Variants in FBXL2 observed in about 807,000 individuals in gnomAD.
The protein encoded by FBXL2 is F-box/LRR-repeat protein 2.
FBXL2 carries 38 observed loss-of-function variants against 69.2 expected under a neutral mutation model. That is an observed-to-expected ratio of 0.55 (90% confidence interval 0.42 to 0.72). The LOEUF is 0.72. FBXL2 is among the 30% of genes least tolerant of loss of function. FBXL2 has a pLI of 0.00. For synonymous variants in FBXL2, 192 were observed against 201.3 expected (o/e 0.95, Z 0.39); for missense variants, 354 against 520.3 (o/e 0.68, Z 3.11).
chr3:33,359,002 G>A lies in FBXL2; in HGVS notation c.101G>A (p.Arg34Gln), dbSNP rs1022223193. The A allele has an allele frequency of 3.2e-6, 5 of 1,550,552 alleles. No individual in the cohort carries two copies. Among genetic ancestry groups the A allele is most frequent in the East Asian group, 2.3e-5 (1 of 43,500 alleles). Residue 34 changes from arginine (R) to glutamine (Q), a missense_variant, in exon 3 of 15, where the codon CGA becomes CAA. By Grantham distance (43) the Arg-to-Gln change is conservative (BLOSUM62 1). Transcript: ENST00000484457. The stretch of plus-strand genomic sequence containing the variant: ...TTCTTGGATATAGTAACTTTGTGCC[G>A]ATGTGCACAGATTTCCAAGGTAGAG... ...FSFLDIVTLC[R>Q]CAQISKAWNI...
In FBXL2 at chr3:33,384,200, G is replaced by A. The variant is rs765799989; in HGVS notation, c.1163G>A (p.Arg388Gln). Residue 388 changes from arginine (R) to glutamine (Q), a missense_variant and splice_region_variant, in exon 14 of 15, where the codon CGG becomes CAG. Physicochemically the swap from Arg to Gln is conservative, Grantham distance 43 (BLOSUM62 1). Coordinates refer to ENST00000484457, the MANE Select transcript of FBXL2 (RefSeq NM_012157.5). ...QVTRAGIKRMRAQLPHVKVHA... is the reference protein window; with the variant it reads ...QVTRAGIKRMQAQLPHVKVHA... ...ACCCGTGCAGGCATCAAGCGGATGCGGGTAGGTATGGGGCAGGGGAGTCAG... is the reference window on the plus strand; with the variant it reads ...ACCCGTGCAGGCATCAAGCGGATGCAGGTAGGTATGGGGCAGGGGAGTCAG... The A allele has an allele frequency of 3.1e-6, 5 of 1,613,574 alleles. No homozygotes were observed. The highest frequency in any genetic ancestry group is 2.2e-5 in the South Asian group (2 of 91,044).
chr3:33,362,269 G>C (rs1455910878), intron 4 of FBXL2, among the ~76,000 whole-genome samples: 1 of 152,324 alleles, frequency 6.6e-6, no homozygotes, highest in East Asian at 1.9e-4. Context: ...TTTGTTGTCA[G>C]TGTCTTCATG....
At chr3:33,372,849 T>G in intron 5 of FBXL2, 1 of 589,136 alleles carries the variant, frequency 1.7e-6, no homozygotes, top group Non-Finnish European at 3.0e-6. Flanking sequence ...GGACTCTGCT[T>G]CTCAAAACGT....
intron 4 of FBXL2, among the ~76,000 whole-genome samples, chr3:33,361,371 C>G (rs2041616868): frequency 6.6e-6 from 1 of 152,022 alleles, no homozygotes; most frequent in Non-Finnish European, 1.5e-5. Context: ...GTTAGCCAGG[C>G]ACAATGGCAC....
intron 5 of FBXL2, among the ~76,000 whole-genome samples, chr3:33,368,634 G>A (rs1416673129): frequency 4.6e-5 from 7 of 151,710 alleles, no homozygotes; most frequent in South Asian, 2.1e-4. Context: ...TTGCTCTGTC[G>A]CCCAGGCTGG....
intron 1 of FBXL2, among the ~76,000 whole-genome samples, chr3:33,293,938 A>G (rs1318029001): frequency 1.3e-5 from 2 of 152,220 alleles, no homozygotes; most frequent in African/African-American, 2.4e-5. Context: ...TCAAGTGTAC[A>G]TGGAACATTC....
chr3:33,414,693 C>CA, the FBXL2 span, among the ~76,000 whole-genome samples: 1 of 152,176 alleles, frequency 6.6e-6, no homozygotes, highest in African/African-American at 2.4e-5. Context: ...TTGGTAGTAG[C>CA]AGACAGTAGC....
downstream of FBXL2, among the ~76,000 whole-genome samples, chr3:33,405,307 G>A (rs543144033): frequency 4.6e-5 from 7 of 152,296 alleles, no homozygotes; most frequent in African/African-American, 1.7e-4. Flanking sequence ...TGGATTTAAT[G>A]AATTTTTTGA....
intron 2 of FBXL2, among the ~76,000 whole-genome samples, chr3:33,321,309 C>CAAAAAAAAAAGAAAAAGAAAA (rs2038190011): frequency 1.1e-5 from 1 of 94,960 alleles, no homozygotes. Flanking sequence ...GACTCCATCT[C>CAAAAAAAAAAGAAAAAGAAAA]AAAAAAAAAA....
chr3:33,382,488 T>C (rs1288330934), intron 13 of FBXL2: 2 of 152,250 alleles, frequency 1.3e-5, no homozygotes, highest in African/African-American at 2.4e-5. Flanking sequence ...GGAATTATCA[T>C]GTATACTCAT....
chr3:33,419,479 C>T, the FBXL2 span, among the ~76,000 whole-genome samples: 3 of 151,918 alleles, frequency 2.0e-5, no homozygotes, highest in African/African-American at 7.3e-5. Context: ...AATGCAAAAA[C>T]TAGCTGGGCG....
intron 1 of FBXL2, among the ~76,000 whole-genome samples, chr3:33,287,793 A>C (rs1205693981): frequency 6.6e-6 from 1 of 152,248 alleles, no homozygotes; most frequent in East Asian, 1.9e-4. Flanking sequence ...GCTTCTTGCC[A>C]AACTAAAGAT....
chr3:33,340,400 A>G (rs1178108114), intron 2 of FBXL2, among the ~76,000 whole-genome samples: 2 of 151,948 alleles, frequency 1.3e-5, no homozygotes, highest in Non-Finnish European at 2.9e-5. Flanking sequence ...TATTTTCCAC[A>G]AAAAGAAACC....
chr3:33,295,278 C>T (rs964652935), intron 1 of FBXL2, among the ~76,000 whole-genome samples: 3 of 152,186 alleles, frequency 2.0e-5, no homozygotes, highest in Admixed American at 6.5e-5. Flanking sequence ...TAGGCAACTA[C>T]TAGTCTATTT....
chr3:33,342,299 C>A (rs1253921945), intron 2 of FBXL2, among the ~76,000 whole-genome samples: 1 of 151,428 alleles, frequency 6.6e-6, no homozygotes, highest in African/African-American at 2.4e-5. Flanking sequence ...GCCACTGTGC[C>A]CGGCCTATGC....
At position 33,341,757 on chromosome 3, in the gene FBXL2, G is replaced by C. The variant is rs375406153; in HGVS notation, c.66-17210G>C. On this transcript the variant is annotated intron_variant, in intron 2 of 14. Coordinates refer to ENST00000484457, the MANE Select transcript of FBXL2 (RefSeq NM_012157.5). Reference sequence around the variant, plus strand: ...AGGCAGGAGAATTGCTTGAACCCGGGAGGTGGAGGTTGCAGTGAATTGAGA... The same window carrying C: ...AGGCAGGAGAATTGCTTGAACCCGGCAGGTGGAGGTTGCAGTGAATTGAGA... 8.6e-5 allele frequency among the ~76,000 whole-genome samples: 13 copies of C among 150,294 alleles called. 1 individual carries two copies. In the South Asian group the frequency reaches 2.8e-3, roughly 32 times the overall value.
intron 1 of FBXL2, among the ~76,000 whole-genome samples, chr3:33,282,125 C>T (rs1266265636): frequency 6.6e-6 from 1 of 152,060 alleles, no homozygotes; most frequent in Non-Finnish European, 1.5e-5. Context: ...CTTGCCCATG[C>T]CTATGTCTTG....
chr3:33,373,595 T>C lies in FBXL2; in HGVS notation c.473T>C (p.Leu158Pro). 6.2e-7 allele frequency: 1 copy of C among 1,614,190 alleles called. No homozygotes were observed. The highest frequency in any genetic ancestry group is 8.5e-7 in the Non-Finnish European group (1 of 1,180,022). Residue 158 changes from leucine (L) to proline (P), a missense_variant, in exon 8 of 15, where the codon CTG (leucine) becomes CCG (proline). By Grantham distance (98) the Leu-to-Pro change is moderately conservative. Coordinates refer to ENST00000484457, the MANE Select transcript of FBXL2 (RefSeq NM_012157.5). ...TCTCTCAGTGAGGGCTGCCGAAACC[T>C]GGAGTACCTGAACCTCTCTTGGTGT... ...LKGISEGCRNLEYLNLSWCDQ... is the reference protein window; with the variant it reads ...LKGISEGCRNPEYLNLSWCDQ...
intron 12 of FBXL2, chr3:33,393,566 T>TA (rs1008617714): frequency 1.2e-4 from 116 of 985,760 alleles, no homozygotes; most frequent in African/African-American, 3.4e-5. Context: ...ACCAAAAAAG[T>TA]AAAAAAACAT....
Sources: gnomAD v4.1 joint callset for allele counts (sites outside exome capture counted in the v4.1 genomes callset) on GRCh38, gnomAD v4.1.1 for gene constraint, MANE v1.5 for transcripts, NCBI Gene and HGNC (gene_info 2026-07-23, HGNC 2026-07-21) for gene names.